Variants in KCNH5 observed in about 807,000 individuals in gnomAD.
KCNH5 encodes potassium voltage-gated channel subfamily H member 5.
In KCNH5, 46 loss-of-function variants were observed where a neutral mutation model predicts 96.1. That is an observed-to-expected ratio of 0.48 (90% CI 0.38 to 0.61). The LOEUF (loss-of-function observed/expected upper bound fraction) is 0.61, where lower values mean the gene tolerates loss of function less well. KCNH5 is among the 20% of genes least tolerant of loss of function. The pLI is 0.00. For missense variants in KCNH5, 907 were observed against 1,225.8 expected (o/e 0.74, Z 3.88); for synonymous variants, 439 against 449.8 (o/e 0.98, Z 0.30).
At chr14:62,884,694 A>G (rs770577362) in intron 7 of KCNH5, among the ~76,000 whole-genome samples, 9 of 152,220 alleles carry the variant, frequency 5.9e-5, no homozygotes, top group Non-Finnish European at 8.8e-5. Flanking sequence ...TATGTAGGTG[A>G]TATTTTTAAA....
chr14:62,948,289 T>C (rs1004724730), intron 7 of KCNH5, among the ~76,000 whole-genome samples: 19 of 152,130 alleles, frequency 1.2e-4, no homozygotes, highest in Non-Finnish European at 2.4e-4. Context: ...AATAAACATA[T>C]GTGTGCATGT....
chr14:62,764,851 AC>A lies in KCNH5; in HGVS notation c.2019+14876del, dbSNP rs545571800. ...ACCTCAACAGCAAGTATTACAAAAC[AC>A]TGTTGAAAGAAATCAGAAATGATAC... is the stretch of plus-strand genomic sequence containing the variant. On this transcript the variant is annotated intron_variant, in intron 10 of 10. Coordinates refer to ENST00000322893, the MANE Select transcript of KCNH5 (RefSeq NM_139318.5). 8.5e-4 allele frequency among the ~76,000 whole-genome samples: 129 copies of A among 152,316 alleles called. 1 individual carries two copies. The highest frequency in any genetic ancestry group is 2.7e-3 in the African/African-American group (111 of 41,578).
intron 8 of KCNH5, among the ~76,000 whole-genome samples, chr14:62,821,824 G>A (rs1009050433): frequency 2.6e-5 from 4 of 152,026 alleles, no homozygotes; most frequent in Admixed American, 6.6e-5. Context: ...AATTCTATCC[G>A]TCTCAAATCC....
intron 7 of KCNH5, among the ~76,000 whole-genome samples, chr14:62,854,156 A>G (rs113919559): frequency 1.1e-4 from 16 of 151,840 alleles, no homozygotes; most frequent in African/African-American, 3.6e-4. Context: ...TTTAACTTAC[A>G]TTACTTATTT....
At chr14:63,000,895 C>T (rs969473961) in intron 4 of KCNH5, among the ~76,000 whole-genome samples, 3 of 152,018 alleles carry the variant, frequency 2.0e-5, no homozygotes, top group South Asian at 2.1e-4. Flanking sequence ...GGCAACATGG[C>T]GAAACCCTGA....
At chr14:62,724,692 G>T (rs1244054270) in intron 10 of KCNH5, among the ~76,000 whole-genome samples, 1 of 152,192 alleles carries the variant, frequency 6.6e-6, no homozygotes, top group Non-Finnish European at 1.5e-5. Context: ...CAAGGTTTGT[G>T]CTTCTAAACA....
intron 1 of KCNH5, among the ~76,000 whole-genome samples, chr14:63,020,493 T>C (rs1489001768): frequency 1.3e-5 from 2 of 152,070 alleles, no homozygotes; most frequent in Admixed American, 6.6e-5. Context: ...AAAAAACTTC[T>C]GACACATGCA....
At chr14:62,875,329 T>G (rs1046536364) in intron 7 of KCNH5, among the ~76,000 whole-genome samples, 5 of 152,036 alleles carry the variant, frequency 3.3e-5, no homozygotes, top group Non-Finnish European at 5.9e-5. Flanking sequence ...TTCACAGAAT[T>G]GGAAAAACCT....
At chr14:62,868,997 A>G (rs144957413) in intron 7 of KCNH5, among the ~76,000 whole-genome samples, 53 of 152,380 alleles carry the variant, frequency 3.5e-4, no homozygotes, top group African/African-American at 1.3e-3. Context: ...CAATAAACAT[A>G]CGTGTGCATG....
At chr14:62,714,160 A>G (rs1416460276) in intron 10 of KCNH5, among the ~76,000 whole-genome samples, 1 of 151,994 alleles carries the variant, frequency 6.6e-6, no homozygotes. Context: ...ATGGTGGTGC[A>G]TGCCCGTGGT....
chr14:62,944,701 A>G (rs1222433773), intron 7 of KCNH5, among the ~76,000 whole-genome samples: 1 of 152,226 alleles, frequency 6.6e-6, no homozygotes, highest in Non-Finnish European at 1.5e-5. Context: ...CAAAGGTACT[A>G]TAACACTTCA....
At chr14:62,921,060 C>G (rs1054360268) in intron 7 of KCNH5, among the ~76,000 whole-genome samples, 9 of 152,230 alleles carry the variant, frequency 5.9e-5, no homozygotes, top group African/African-American at 2.2e-4. Flanking sequence ...CTTTAGCTAT[C>G]CCAAAGTACT....
At position 62,950,476 on chromosome 14, in the gene KCNH5, T is replaced by C; in HGVS notation, c.1026A>G (p.Leu342=). The change falls in exon 7 of 11, where the codon CTA becomes CTG. Residue 342 remains leucine, a synonymous_variant. Transcript: ENST00000322893. ...GRVARKLDHY[L]EYGAAVLVLL... ...GCACGAGGACTGCTGCTCCATATTC[T>C]AGGTAATGGTCCAGTTTCCTAGCCA... 1 of 1,612,788 alleles carries C rather than the reference T, an allele frequency of 6.2e-7. No individual in the cohort carries two copies. The highest frequency in any genetic ancestry group is 8.5e-7 in the Non-Finnish European group (1 of 1,179,906).
At chr14:62,718,389 T>A (rs1884732538) in intron 10 of KCNH5, among the ~76,000 whole-genome samples, 1 of 152,146 alleles carries the variant, frequency 6.6e-6, no homozygotes, top group Admixed American at 6.5e-5. Flanking sequence ...AAAATAATTT[T>A]AAAATCATCA....
intron 10 of KCNH5, among the ~76,000 whole-genome samples, chr14:62,771,882 C>G (rs1388785746): frequency 6.6e-6 from 1 of 152,076 alleles, no homozygotes; most frequent in African/African-American, 2.4e-5. Context: ...ACTTCTCTGG[C>G]CATGATCACT....
chr14:62,709,197 C>T (rs1884513906), intron 10 of KCNH5, among the ~76,000 whole-genome samples: 1 of 134,214 alleles, frequency 7.5e-6, no homozygotes, highest in South Asian at 2.4e-4. Flanking sequence ...CGCGCCACAG[C>T]ACTCCCGCCT....
intron 10 of KCNH5, among the ~76,000 whole-genome samples, chr14:62,755,255 A>G (rs1033311512): frequency 2.0e-5 from 3 of 152,204 alleles, no homozygotes; most frequent in Non-Finnish European, 2.9e-5. Context: ...AGGATAAAGT[A>G]TAACCAATAC....
At chr14:62,972,733 T>C (rs1890432901) in intron 6 of KCNH5, among the ~76,000 whole-genome samples, 1 of 151,998 alleles carries the variant, frequency 6.6e-6, no homozygotes, top group Non-Finnish European at 1.5e-5. Flanking sequence ...TAAATGCCTA[T>C]TACTAAGAGA....
chr14:62,785,738 A>G (rs978244586), intron 9 of KCNH5, among the ~76,000 whole-genome samples: 3 of 152,236 alleles, frequency 2.0e-5, no homozygotes, highest in Non-Finnish European at 4.4e-5. Flanking sequence ...AAGACAAAAC[A>G]GAGACAGAGT....
Sources: gnomAD v4.1 joint callset for allele counts (sites outside exome capture counted in the v4.1 genomes callset) on GRCh38, gnomAD v4.1.1 for gene constraint, MANE v1.5 for transcripts, NCBI Gene and HGNC (gene_info 2026-07-23, HGNC 2026-07-21) for gene names.